Variants in UGGT1 observed in about 807,000 individuals in gnomAD.
UGGT1 encodes UDP-glucose:glycoprotein glucosyltransferase 1.
Under a neutral mutation model 203.9 loss-of-function variants are expected in UGGT1, and 107 were observed. That is an observed-to-expected ratio of 0.52 (90% CI 0.45 to 0.62). The LOEUF (loss-of-function observed/expected upper bound fraction) is 0.62. Ranked by LOEUF, UGGT1 falls within the 20% of genes least tolerant of loss-of-function variation. The probability of loss-of-function intolerance (pLI) is 0.00; values close to 1 mark genes in which losing one functional copy is unlikely to be tolerated. For missense variants in UGGT1, 1,673 were observed against 1,867.2 expected, an observed-to-expected ratio of 0.90 and a Z score of 1.92; for synonymous variants, 628 against 653.5, an observed-to-expected ratio of 0.96 and a Z score of 0.59.
chr2:128,109,279 C>T (rs951039129), intron 4 of UGGT1, among the ~76,000 whole-genome samples: 1 of 152,178 alleles, frequency 6.6e-6, no homozygotes, highest in Non-Finnish European at 1.5e-5. Flanking sequence ...TTACGGATCA[C>T]TGCAGCCTCA....
chr2:128,160,373 A>C, intron 23 of UGGT1, 87 bp from the exon 24 acceptor site: 5 of 1,397,728 alleles, frequency 3.6e-6, no homozygotes, highest in South Asian at 1.6e-5. Context: ...AGGGAAAGAA[A>C]TTTTTATGGT....
intron 25 of UGGT1, among the ~76,000 whole-genome samples, chr2:128,163,326 T>C (rs1690620896): frequency 6.6e-6 from 1 of 152,202 alleles, no homozygotes; most frequent in Non-Finnish European, 1.5e-5. Flanking sequence ...CAGTGCTCTT[T>C]TAAAATTCTT....
intron 18 of UGGT1, 145 bp downstream of exon 18, chr2:128,146,112 C>A: frequency 5.4e-6 from 5 of 933,206 alleles, no homozygotes; most frequent in South Asian, 1.6e-5. Context: ...AGTCTGAGAC[C>A]AACCTGGGCA....
At chr2:128,136,987 A>T (rs564098889) in intron 15 of UGGT1, among the ~76,000 whole-genome samples, 48 of 152,280 alleles carry the variant, frequency 3.2e-4, no homozygotes, top group African/African-American at 1.1e-3. Context: ...ACTTATATTT[A>T]TCACCTATCT....
intron 6 of UGGT1, 86 bp from the exon 7 acceptor site, chr2:128,115,038 G>T (rs1165827537): frequency 2.6e-6 from 3 of 1,170,856 alleles, no homozygotes; most frequent in Non-Finnish European, 3.8e-6. Context: ...ATGGCTAGTA[G>T]ATGCAACATT....
chr2:128,170,148 T>C (rs1288231172), intron 26 of UGGT1, 140 bp from the exon 27 acceptor site: 1 of 641,842 alleles, frequency 1.6e-6, no homozygotes, highest in Non-Finnish European at 2.7e-6. Flanking sequence ...CAGAATCATA[T>C]AGTTGGCCAC....
chr2:128,145,958 G>T lies in UGGT1; in HGVS notation c.2007G>T (p.Ala669=), dbSNP rs756471962. ...AGACCACCACCTTCTTCCAAAGAGC[G>T]GTGTACTTGGTGAGTCACGTTTCAA... is the stretch of plus-strand genomic sequence containing the variant. The part of the protein sequence containing the change: ...ILETTTFFQR[A]VYLGELPHDQ... Residue 669 remains alanine (A), a synonymous_variant, in exon 18 of 41, where the codon GCG becomes GCT. Transcript: ENST00000259253. 6.2e-7 allele frequency: 1 copy of T among 1,612,958 alleles called. No homozygotes were observed. The highest frequency in any genetic ancestry group is 8.5e-7 in the Non-Finnish European group (1 of 1,179,812).
At chr2:128,184,978 G>A (rs555159358) in intron 38 of UGGT1, among the ~76,000 whole-genome samples, 1 of 152,122 alleles carries the variant, frequency 6.6e-6, no homozygotes, top group African/African-American at 2.4e-5. Flanking sequence ...CACAGTGCCC[G>A]GCTCTACTTA....
At position 128,167,015 on chromosome 2, in the gene UGGT1, A is replaced by G. The variant is rs556913160; in HGVS notation, c.2921+2190A>G. 3.9e-5 allele frequency among the ~76,000 whole-genome samples: 6 copies of G among 152,150 alleles called. No homozygotes were observed. The South Asian group carries it at 1.2e-3, about 32-fold the overall frequency. ...CTGTTTGCACTGGTTGTGTGTCCTAATTTTTTATGTCAGCAGTGGGTGAAG... is the reference window on the plus strand; with the variant it reads ...CTGTTTGCACTGGTTGTGTGTCCTAGTTTTTTATGTCAGCAGTGGGTGAAG... On this transcript the variant is annotated intron_variant, in intron 26 of 40. Coordinates refer to ENST00000259253, the MANE Select transcript of UGGT1 (RefSeq NM_020120.4).
In UGGT1 at chr2:128,109,727, CT is replaced by C; in HGVS notation, c.503del (p.Leu168HisfsTer2). 1 of 1,613,480 alleles carries C rather than the reference CT, an allele frequency of 6.2e-7. No individual in the cohort carries two copies. Among genetic ancestry groups the C allele is most frequent in the Non-Finnish European group, 8.5e-7 (1 of 1,179,428 alleles). ...TGAATCTGATACCCTTGAGGCTCTT[CT>C]ACTGACAGCCTCTGAAAGGTAGATT... ...TCESDTLEAL[L>X]LTASERPKPL... On this transcript the variant is annotated frameshift_variant, in exon 5 of 41. Transcript: ENST00000259253. LOFTEE classifies it high-confidence loss of function.
At chr2:128,127,231 A>G in intron 11 of UGGT1, 130 bp from the exon 12 acceptor site, 2 of 644,720 alleles carry the variant, frequency 3.1e-6, no homozygotes, top group Non-Finnish European at 5.5e-6. Flanking sequence ...GAATCCCAAC[A>G]GCATCTTGAA....
chr2:128,120,314 A>G (rs1688316633), intron 8 of UGGT1, 42 bp from the exon 9 acceptor site: 9 of 1,581,176 alleles, frequency 5.7e-6, no homozygotes, highest in Admixed American at 1.8e-5. Flanking sequence ...GCTCCGGGAA[A>G]GAAAAAATAA....
chr2:128,123,980 C>G (rs994796580), intron 11 of UGGT1, among the ~76,000 whole-genome samples: 14 of 152,138 alleles, frequency 9.2e-5, no homozygotes, highest in African/African-American at 3.4e-4. Context: ...GAGTTTTGCT[C>G]TGTCACCCAG....
At chr2:128,120,238 C>T (rs1354794430) in intron 8 of UGGT1, 118 bp from the exon 9 acceptor site, 14 of 823,370 alleles carry the variant, frequency 1.7e-5, no homozygotes, top group Admixed American at 2.7e-5. Flanking sequence ...CCCCCTATGT[C>T]GTAGAAAATT....
At chr2:128,112,770 G>A (rs1476286831) in intron 5 of UGGT1, among the ~76,000 whole-genome samples, 1 of 151,458 alleles carries the variant, frequency 6.6e-6, no homozygotes, top group Admixed American at 6.6e-5. Context: ...TTATTGTAGA[G>A]TCGAGGTTTT....
chr2:128,156,303 G>A (rs1690225042), intron 20 of UGGT1, 89 bp from the exon 21 acceptor site: 1 of 981,090 alleles, frequency 1.0e-6, no homozygotes, highest in Non-Finnish European at 1.6e-6. Context: ...GACCGTGTTA[G>A]CCATTGTTTA....
intron 1 of UGGT1, among the ~76,000 whole-genome samples, chr2:128,095,231 A>C (rs1687055956): frequency 6.6e-6 from 1 of 152,058 alleles, no homozygotes; most frequent in Non-Finnish European, 1.5e-5. Flanking sequence ...TAATTTCAGT[A>C]GGTTTCATTT....
In UGGT1 at chr2:128,189,844, G is replaced by A; in HGVS notation, c.*102G>A. 1.5e-6 allele frequency: 2 copies of A among 1,349,040 alleles called. No homozygotes were observed. Among genetic ancestry groups the A allele is most frequent in the Non-Finnish European group, 2.1e-6 (2 of 963,048 alleles). 83.6% of individuals were successfully genotyped at this position (1,349,040 alleles called of 1,614,324 possible). ...TATACAACTGCTGATAAGCCGGCTG[G>A]GCAGGAGTGCCACACCTTTTGATTC... On this transcript the variant is annotated 3_prime_UTR_variant, in exon 41 of 41. Coordinates refer to ENST00000259253, the MANE Select transcript of UGGT1 (RefSeq NM_020120.4).
chr2:128,102,066 C>G (rs953638523), intron 2 of UGGT1, among the ~76,000 whole-genome samples: 1 of 152,136 alleles, frequency 6.6e-6, no homozygotes, highest in African/African-American at 2.4e-5. Flanking sequence ...CAATAACCAC[C>G]ATCACCACCC....
Sources: allele counts gnomAD v4.1 joint callset (sites outside exome capture counted in the v4.1 genomes callset), GRCh38; gene constraint gnomAD v4.1.1; transcripts MANE v1.5; gene names NCBI Gene and HGNC (gene_info 2026-07-23, HGNC 2026-07-21).